PIWIL2: variants seen among roughly 807,000 people sequenced by gnomAD.
The protein encoded by PIWIL2 is piwi like RNA-mediated gene silencing 2.
Under a neutral mutation model 116.5 loss-of-function variants are expected in PIWIL2, and 81 were observed. The ratio of observed to expected loss-of-function variants is 0.70; its 90% CI spans 0.58 to 0.84. PIWIL2 has a LOEUF of 0.84. PIWIL2 is among the 40% of genes least tolerant of loss of function. The probability of loss-of-function intolerance (pLI) is 0.00; values close to 1 mark genes in which losing one functional copy is unlikely to be tolerated. For missense variants in PIWIL2, 1,272 were observed against 1,212.3 expected (o/e 1.05, Z -0.73); for synonymous variants, 489 against 429.5 (o/e 1.14, Z -1.71).
intron 2 of PIWIL2, 68 bp downstream of exon 2, chr8:22,279,652 G>A: frequency 3.4e-6 from 5 of 1,453,956 alleles, no homozygotes; most frequent in Non-Finnish European, 4.8e-6. Context: ...GGAAGTAATG[G>A]ATTTCAAAGT....
chr8:22,322,261 C>CT (rs371516173), intron 20 of PIWIL2, among the ~76,000 whole-genome samples: 21 of 150,510 alleles, frequency 1.4e-4, no homozygotes, highest in Non-Finnish European at 1.9e-4. Flanking sequence ...TCCCCCCCAC[C>CT]TTTTTTTTTG....
intron 20 of PIWIL2, among the ~76,000 whole-genome samples, chr8:22,333,624 A>C (rs1051326823): frequency 1.3e-5 from 2 of 151,832 alleles, no homozygotes; most frequent in African/African-American, 4.8e-5. Flanking sequence ...AAAAACAAAC[A>C]AAAAAAATGT....
At chr8:22,314,645 T>A (rs1831411875) in intron 17 of PIWIL2, among the ~76,000 whole-genome samples, 1 of 152,178 alleles carries the variant, frequency 6.6e-6, no homozygotes, top group African/African-American at 2.4e-5. Context: ...CAGTTTCGCT[T>A]GTTCCGAGGT....
Position 22,299,023 on chromosome 8 carries a change from T to C in PIWIL2, c.1182-4998T>C, listed in dbSNP as rs191709054. 6.4e-4 allele frequency among the ~76,000 whole-genome samples: 97 copies of C among 152,326 alleles called. 1 individual carries two copies. In the South Asian group the frequency reaches 8.5e-3, roughly 13 times the overall value. Reference sequence around the variant, plus strand: ...TAAAACCCATTCTTATGGCTACTTATTACTATGGTGACAGAGTAATCCATC... The same window carrying C: ...TAAAACCCATTCTTATGGCTACTTACTACTATGGTGACAGAGTAATCCATC... On this transcript the variant is annotated intron_variant, in intron 10 of 22. Transcript: ENST00000356766.
chr8:22,319,297 AG>A (rs941167592), intron 20 of PIWIL2, among the ~76,000 whole-genome samples: 35 of 152,228 alleles, frequency 2.3e-4, no homozygotes, highest in African/African-American at 8.2e-4. Flanking sequence ...CAGTTATTAG[AG>A]GTTATTTTTT....
At chr8:22,352,455 G>C (rs895925365) in intron 20 of PIWIL2, among the ~76,000 whole-genome samples, 2 of 152,292 alleles carry the variant, frequency 1.3e-5, no homozygotes, top group East Asian at 1.9e-4. Flanking sequence ...CCAGACTGTA[G>C]GGTAATATTT....
intron 20 of PIWIL2, among the ~76,000 whole-genome samples, chr8:22,326,917 A>G (rs1831738248): frequency 6.6e-6 from 1 of 152,134 alleles, no homozygotes; most frequent in South Asian, 2.1e-4. Context: ...GGAACCACCA[A>G]GCTGTTTTGC....
At chr8:22,301,365 C>A (rs1013863187) in intron 10 of PIWIL2, among the ~76,000 whole-genome samples, 1 of 152,140 alleles carries the variant, frequency 6.6e-6, no homozygotes, top group South Asian at 2.1e-4. Flanking sequence ...GTGGCGCCAT[C>A]TCAGCTCACG....
chr8:22,324,994 A>G (rs1399338622), intron 20 of PIWIL2, among the ~76,000 whole-genome samples: 2 of 152,194 alleles, frequency 1.3e-5, no homozygotes, highest in Admixed American at 6.5e-5. Flanking sequence ...CTGTGAGACA[A>G]TAAGTTTCTG....
chr8:22,286,298 C>A (rs1317235119), intron 6 of PIWIL2, among the ~76,000 whole-genome samples: 2 of 152,126 alleles, frequency 1.3e-5, no homozygotes, highest in East Asian at 3.8e-4. Context: ...CTTGGCCACT[C>A]ATTTAAAAAG....
intron 22 of PIWIL2, 146 bp from the exon 23 acceptor site, chr8:22,355,203 T>C (rs1026764014): frequency 8.1e-6 from 5 of 617,674 alleles, no homozygotes; most frequent in Non-Finnish European, 1.4e-5. Context: ...ATAGTGATTC[T>C]AAAAAGCTGC....
chr8:22,301,454 C>T (rs944957891), intron 10 of PIWIL2, among the ~76,000 whole-genome samples: 1 of 151,884 alleles, frequency 6.6e-6, no homozygotes, highest in Non-Finnish European at 1.5e-5. Flanking sequence ...CCACCACACA[C>T]CTGGCTGTTT....
In PIWIL2 at chr8:22,287,693, C is replaced by G. The variant is rs766820650; in HGVS notation, c.861+48C>G. The G allele has an allele frequency of 1.1e-5, 13 of 1,212,638 alleles. No homozygotes were observed. The African/African-American group carries it at 1.5e-4, about 14-fold the overall frequency. The allele number at this position is 1,212,638 out of a possible 1,614,324, so 75.1% of individuals were successfully genotyped here. On this transcript the variant is annotated intron_variant, in intron 7 of 22. Transcript: ENST00000356766. Reference sequence around the variant, plus strand: ...CTTTGAGATGAACCCTAAGAGTGCTCTGGCGTTTTTTGTTTGGTTTTGCTT... The same window carrying G: ...CTTTGAGATGAACCCTAAGAGTGCTGTGGCGTTTTTTGTTTGGTTTTGCTT...
chr8:22,347,197 TCAG>T (rs1172187423), intron 20 of PIWIL2, among the ~76,000 whole-genome samples: 1 of 149,814 alleles, frequency 6.7e-6, no homozygotes, highest in African/African-American at 2.4e-5. Flanking sequence ...AGTAGCAAAT[TCAG>T]CACATTAACA....
intron 19 of PIWIL2, among the ~76,000 whole-genome samples, chr8:22,316,775 C>G (rs1248790457): frequency 6.6e-6 from 1 of 151,966 alleles, no homozygotes; most frequent in Admixed American, 6.6e-5. Context: ...AGCCATCATG[C>G]CCGGCTATGA....
At chr8:22,322,451 A>G (rs1437734785) in intron 20 of PIWIL2, among the ~76,000 whole-genome samples, 1 of 150,832 alleles carries the variant, frequency 6.6e-6, no homozygotes. Flanking sequence ...GAGGGTCACT[A>G]TATTGCTCAG....
At position 22,351,530 on chromosome 8, in the gene PIWIL2, T is replaced by A. The variant is rs577161233; in HGVS notation, c.2404-1429T>A. 3.9e-4 allele frequency among the ~76,000 whole-genome samples: 53 copies of A among 135,322 alleles called. 1 individual carries two copies. The East Asian group carries it at 0.011, about 29-fold the overall frequency. The allele number at this position is 135,322 out of a possible 152,430, so 88.8% of individuals were successfully genotyped here. A position where few individuals can be genotyped will look rare whatever the true frequency, so the allele number is the denominator to read the frequency against. On this transcript the variant is annotated intron_variant, in intron 20 of 22. Coordinates refer to ENST00000356766, the MANE Select transcript of PIWIL2 (RefSeq NM_018068.5). ...ATAATTTAGGTTTTTTTGGTGTTTT[T>A]TTTTTGTTTTTTTGTTTTTTGTTTT...
chr8:22,288,033 T>G (rs1333772406), intron 7 of PIWIL2, among the ~76,000 whole-genome samples: 1 of 152,190 alleles, frequency 6.6e-6, no homozygotes, highest in East Asian at 1.9e-4. Context: ...GTGCGGTGGC[T>G]CACGCCTGTA....
intron 10 of PIWIL2, among the ~76,000 whole-genome samples, chr8:22,290,937 G>A (rs1830747405): frequency 6.6e-6 from 1 of 151,492 alleles, no homozygotes; most frequent in African/African-American, 2.4e-5. Context: ...AATATACAAT[G>A]TATGTGTTAC....
Sources: allele counts gnomAD v4.1 joint callset (sites outside exome capture counted in the v4.1 genomes callset), GRCh38; gene constraint gnomAD v4.1.1; transcripts MANE v1.5; gene names NCBI Gene and HGNC (gene_info 2026-07-23, HGNC 2026-07-21).